The following UNC5C variants were observed in gnomAD, a reference collection of about 807,000 sequenced individuals.
UNC5C encodes unc-5 netrin receptor C.
UNC5C carries 47 observed loss-of-function variants against 99.8 expected under a neutral mutation model. The ratio of observed to expected loss-of-function variants is 0.47; its 90% CI spans 0.37 to 0.60. The LOEUF (loss-of-function observed/expected upper bound fraction) is 0.60. Among genes scored for constraint, UNC5C ranks in the 20% least tolerant of loss-of-function variants. The pLI is 0.00. For missense variants in UNC5C, 1,062 were observed against 1,165.9 expected (o/e 0.91, Z 1.30); for synonymous variants, 487 against 452.2 (o/e 1.08, Z -0.98).
At chr4:95,283,708 A>G (rs1295349186) in intron 3 of UNC5C, among the ~76,000 whole-genome samples, 2 of 152,232 alleles carry the variant, frequency 1.3e-5, no homozygotes, top group Non-Finnish European at 2.9e-5. Flanking sequence ...TAATGTGGCC[A>G]TTCCTGTCAG....
chr4:95,483,356 C>G (rs758154217), intron 1 of UNC5C, among the ~76,000 whole-genome samples: 5 of 151,710 alleles, frequency 3.3e-5, no homozygotes, highest in Non-Finnish European at 7.4e-5. Context: ...AACTCTTTCT[C>G]TTTATTTTGT....
intron 1 of UNC5C, among the ~76,000 whole-genome samples, chr4:95,361,058 T>A (rs182701983): frequency 4.1e-4 from 62 of 152,276 alleles, no homozygotes; most frequent in Middle Eastern, 6.8e-3. Flanking sequence ...TTCCAGCATA[T>A]CATTTTCCCA....
intron 2 of UNC5C, among the ~76,000 whole-genome samples, chr4:95,304,538 C>G (rs1741986885): frequency 6.6e-6 from 1 of 152,088 alleles, no homozygotes; most frequent in South Asian, 2.1e-4. Context: ...GGAATCACAA[C>G]CTCTTTCCCC....
At chr4:95,289,934 T>G (rs1386693575) in intron 3 of UNC5C, among the ~76,000 whole-genome samples, 1 of 152,218 alleles carries the variant, frequency 6.6e-6, no homozygotes, top group Admixed American at 6.5e-5. Context: ...TTGCTGGAAT[T>G]TTTAAAAATA....
At chr4:95,202,579 G>GTCTA in intron 12 of UNC5C, 152 bp downstream of exon 12, 1 of 708,502 alleles carries the variant, frequency 1.4e-6, no homozygotes, top group Non-Finnish European at 2.3e-6. Context: ...TCAGAGAAAT[G>GTCTA]TCTATCTTTT....
intron 12 of UNC5C, among the ~76,000 whole-genome samples, chr4:95,199,861 A>G (rs1476516893): frequency 6.6e-6 from 1 of 152,210 alleles, no homozygotes; most frequent in Non-Finnish European, 1.5e-5. Context: ...ACCCAGCATG[A>G]TTCCTATCCT....
At position 95,424,689 on chromosome 4, in the gene UNC5C, T is replaced by C. The variant is rs992290562; in HGVS notation, c.125-89058A>G. On this transcript the variant is annotated intron_variant, in intron 1 of 15. Coordinates refer to ENST00000453304, the MANE Select transcript of UNC5C (RefSeq NM_003728.4). ...GGTGCCCCCCACCACGCCCAGCTAA[T>C]TTTTTTGTATTTTTTAGTAGAGACC... Among the ~76,000 whole-genome samples, 6 of 148,608 alleles carry C rather than the reference T, an allele frequency of 4.0e-5. 1 individual carries two copies. The highest frequency in any genetic ancestry group is 6.6e-5 in the Admixed American group (1 of 15,056).
intron 7 of UNC5C, among the ~76,000 whole-genome samples, chr4:95,237,804 G>A (rs982871948): frequency 1.3e-5 from 2 of 152,084 alleles, no homozygotes; most frequent in African/African-American, 4.8e-5. Flanking sequence ...TCCTGCTTTG[G>A]GAAGCCGACG....
At chr4:95,492,671 C>T (rs1391711857) in intron 1 of UNC5C, among the ~76,000 whole-genome samples, 2 of 151,446 alleles carry the variant, frequency 1.3e-5, no homozygotes, top group African/African-American at 2.4e-5. Context: ...CTTGACTTCA[C>T]CTTTAATGGA....
intron 1 of UNC5C, among the ~76,000 whole-genome samples, chr4:95,497,539 A>G (rs774275598): frequency 6.6e-6 from 1 of 152,040 alleles, no homozygotes; most frequent in East Asian, 1.9e-4. Context: ...CGCTGTGTAG[A>G]TAAGACATGG....
intron 2 of UNC5C, among the ~76,000 whole-genome samples, chr4:95,309,061 A>T (rs995047944): frequency 2.0e-5 from 3 of 152,208 alleles, no homozygotes; most frequent in Non-Finnish European, 2.9e-5. Context: ...TCAAAATAGC[A>T]TAATGCTAGC....
At chr4:95,222,361 G>T (rs1738501128) in intron 7 of UNC5C, 2 of 739,636 alleles carry the variant, frequency 2.7e-6, no homozygotes, top group South Asian at 2.4e-5. Context: ...TAATTAAAAG[G>T]AAAAGAAACC....
chr4:95,448,221 T>TGA (rs1284671236), intron 1 of UNC5C, among the ~76,000 whole-genome samples: 5 of 111,310 alleles, frequency 4.5e-5, no homozygotes, highest in African/African-American at 1.8e-4. Flanking sequence ...TGTGTGTGTG[T>TGA]GTGTGTGAGA....
chr4:95,317,452 A>C (rs1239150068), intron 2 of UNC5C, among the ~76,000 whole-genome samples: 1 of 151,404 alleles, frequency 6.6e-6, no homozygotes, highest in Non-Finnish European at 1.5e-5. Flanking sequence ...GTGCATGTGT[A>C]TATGTGCGTG....
intron 1 of UNC5C, among the ~76,000 whole-genome samples, chr4:95,434,598 T>G (rs1347530626): frequency 6.6e-6 from 1 of 152,052 alleles, no homozygotes; most frequent in Non-Finnish European, 1.5e-5. Context: ...CCCTTTCACT[T>G]TTATTGACAT....
chr4:95,463,452 G>A (rs2149471843), intron 1 of UNC5C, among the ~76,000 whole-genome samples: 1 of 152,212 alleles, frequency 6.6e-6, no homozygotes, highest in South Asian at 2.1e-4. Flanking sequence ...GAGGCTCAGA[G>A]TCCAAACCAT....
At chr4:95,479,862 G>A (rs1347828249) in intron 1 of UNC5C, among the ~76,000 whole-genome samples, 1 of 151,848 alleles carries the variant, frequency 6.6e-6, no homozygotes. Context: ...GGGAATCAAT[G>A]GACCGAGTAA....
At chr4:95,379,146 T>C (rs773158701) in intron 1 of UNC5C, among the ~76,000 whole-genome samples, 8 of 152,136 alleles carry the variant, frequency 5.3e-5, no homozygotes, top group Admixed American at 1.3e-4. Flanking sequence ...GTCTGATCAA[T>C]AATAAATAGG....
chr4:95,282,456 T>C (rs1741094085), intron 3 of UNC5C, among the ~76,000 whole-genome samples: 1 of 152,086 alleles, frequency 6.6e-6, no homozygotes, highest in South Asian at 2.1e-4. Flanking sequence ...CCTCTGAAGG[T>C]TCACTGGAAA....
Sources: allele counts gnomAD v4.1 joint callset (sites outside exome capture counted in the v4.1 genomes callset), GRCh38; gene constraint gnomAD v4.1.1; transcripts MANE v1.5; gene names NCBI Gene and HGNC (gene_info 2026-07-23, HGNC 2026-07-21).